GBF1: variants seen among roughly 807,000 people sequenced by gnomAD.
GBF1 encodes Golgi-specific brefeldin A-resistance guanine nucleotide exchange factor 1.
In GBF1, 114 loss-of-function variants were observed where a neutral mutation model predicts 210.5. That is an observed-to-expected ratio of 0.54 (90% confidence interval 0.47 to 0.63). The LOEUF is 0.63. Ranked by LOEUF, GBF1 falls within the 30% of genes least tolerant of loss-of-function variation. The pLI, the probability that GBF1 is intolerant of heterozygous loss-of-function variation, is 0.00. For synonymous variants in GBF1, 850 were observed against 889.2 expected (o/e 0.96, Z 0.78); for missense variants, 1,851 against 2,357.7 (o/e 0.79, Z 4.45).
chr10:102,323,287 T>C (rs1047654343), intron 3 of GBF1, among the ~76,000 whole-genome samples: 7 of 151,202 alleles, frequency 4.6e-5, no homozygotes, highest in Non-Finnish European at 7.4e-5. Context: ...TCAAAGCCTT[T>C]TTAGTGCCTG....
In GBF1 at chr10:102,377,133, G is replaced by C; in HGVS notation, c.4487G>C (p.Ser1496Thr). Residue 1496 changes from serine to threonine, a missense_variant, in exon 33 of 40, where the codon AGT becomes ACT. Around this residue, in one of 3 missense-constraint regions of GBF1, gnomAD observed 967 missense variants for 1,247.7 expected, o/e 0.78. Coordinates refer to ENST00000369983, the MANE Select transcript of GBF1 (RefSeq NM_001377137.1). ...TACCATACGGTGTCTTTACAGGTCA[G>C]TCAGGACGTAAGTATGGCACCCTTT... is the stretch of plus-strand genomic sequence containing the variant. ...ASYHTVSLQV[S>T]QDLLDLMHTL... The C allele has an allele frequency of 6.2e-7, 1 of 1,613,088 alleles. No homozygotes were observed.
chr10:102,247,979 A>G (rs1798079328), intron 1 of GBF1, among the ~76,000 whole-genome samples: 1 of 152,170 alleles, frequency 6.6e-6, no homozygotes, highest in South Asian at 2.1e-4. Context: ...TAATAACCTC[A>G]TTGATAGGGT....
chr10:102,230,786 C>G, the GBF1 span: 3 of 1,545,336 alleles, frequency 1.9e-6, no homozygotes, highest in South Asian at 3.6e-5. Flanking sequence ...TGCAGGGCCC[C>G]AGGCCCTGGC....
rs957376120 is a variant in GBF1 at position 102,289,801 on chromosome 10, C to G, written c.163+29685C>G. 7.2e-5 allele frequency among the ~76,000 whole-genome samples: 11 copies of G among 152,210 alleles called. 1 individual carries two copies. The highest frequency in any genetic ancestry group is 3.4e-3 in the Middle Eastern group (1 of 294). On this transcript the variant is annotated intron_variant, in intron 3 of 39. Coordinates refer to ENST00000369983, the MANE Select transcript of GBF1 (RefSeq NM_001377137.1). ...AAAGCAGGCAAACAAGAACAAAAACCTTTGTGCCATAAAATCACTATTTAG... is the reference window on the plus strand; with the variant it reads ...AAAGCAGGCAAACAAGAACAAAAACGTTTGTGCCATAAAATCACTATTTAG...
rs2060509005 is a variant in GBF1 at position 102,376,593 on chromosome 10, G to C, written c.4081G>C (p.Gly1361Arg). The change falls in exon 32 of 40, where the codon GGG (glycine) becomes CGG (arginine). Residue 1361 changes from glycine to arginine, a missense_variant. By Grantham distance (125) the Gly-to-Arg change is moderately radical. Around this residue, in one of 3 missense-constraint regions of GBF1, gnomAD observed 967 missense variants for 1,247.7 expected, o/e 0.78. Coordinates refer to ENST00000369983, the MANE Select transcript of GBF1 (RefSeq NM_001377137.1). ...GGATGACGTTGATAACTCCAAGCCA[G>C]GGCCCAGCCGCCCAGGCCCTTCACC... is the stretch of plus-strand genomic sequence containing the variant. ...GKDDVDNSKPGPSRPGPSPLI... is the reference protein window; with the variant it reads ...GKDDVDNSKPRPSRPGPSPLI... 6.2e-7 allele frequency: 1 copy of C among 1,614,006 alleles called. No homozygotes were observed. The highest frequency in any genetic ancestry group is 1.3e-5 in the African/African-American group (1 of 75,024).
intron 3 of GBF1, among the ~76,000 whole-genome samples, chr10:102,304,416 GTAAAA>G (rs2077659031): frequency 6.6e-6 from 1 of 152,120 alleles, no homozygotes; most frequent in South Asian, 2.1e-4. Context: ...TTTTGGAGTG[GTAAAA>G]TAAAATACTT....
rs1285644118 is a variant in GBF1, at chr10:102,376,782, G to A, written c.4270G>A (p.Glu1424Lys). The change falls in exon 32 of 40, where the codon GAG (glutamate) becomes AAG (lysine). Residue 1424 changes from glutamate to lysine, a missense_variant. By Grantham distance (56) the Glu-to-Lys change is moderately conservative. Transcript: ENST00000369983. Reference protein sequence around the residue: ...LCVKTLRIFVEASLNGGCKSQ... With the variant: ...LCVKTLRIFVKASLNGGCKSQ... ...CGTCAAGACTCTCCGGATCTTTGTGGAGGCCAGTCTGAATGGCGGTGGGTC... is the reference window on the plus strand; with the variant it reads ...CGTCAAGACTCTCCGGATCTTTGTGAAGGCCAGTCTGAATGGCGGTGGGTC... 12 of 1,609,070 alleles carry A rather than the reference G, an allele frequency of 7.5e-6. No homozygotes were observed. The highest frequency in any genetic ancestry group is 1.1e-5 in the South Asian group (1 of 91,074).
intron 38 of GBF1, among the ~76,000 whole-genome samples, 188 bp downstream of exon 38, chr10:102,380,874 G>C (rs1487095318): frequency 6.6e-6 from 1 of 152,088 alleles, no homozygotes; most frequent in African/African-American, 2.4e-5. Flanking sequence ...CAGGTGTGGC[G>C]GTGGGTGCCT....
At chr10:102,368,608 T>A in intron 22 of GBF1, 131 bp from the exon 23 acceptor site, 1 of 825,728 alleles carries the variant, frequency 1.2e-6, no homozygotes. Flanking sequence ...GGCTCAGTCT[T>A]AAACAGAAAC....
At chr10:102,291,890 CTT>C (rs1223283560) in intron 3 of GBF1, among the ~76,000 whole-genome samples, 23 of 127,664 alleles carry the variant, frequency 1.8e-4, no homozygotes, top group Non-Finnish European at 1.3e-4. Context: ...TAGAACTTTT[CTT>C]TTTTTTTTTT....
At chr10:102,375,626 GT>G in intron 30 of GBF1, 42 bp downstream of exon 30, 1 of 1,281,224 alleles carries the variant, frequency 7.8e-7, no homozygotes, top group Non-Finnish European at 1.1e-6. Flanking sequence ...CAGATAAACA[GT>G]TACACCCCAG....
chr10:102,370,127 C>T (rs1317325532), intron 26 of GBF1, 47 bp from the exon 27 acceptor site: 6 of 1,526,398 alleles, frequency 3.9e-6, no homozygotes, highest in Non-Finnish European at 5.5e-6. Flanking sequence ...ACATTCTGTT[C>T]TCTTCAGCCT....
chr10:102,365,517 G>A lies in GBF1; in HGVS notation c.2227G>A (p.Glu743Lys). The A allele has an allele frequency of 1.2e-6, 2 of 1,614,232 alleles. No homozygotes were observed. Among genetic ancestry groups the A allele is most frequent in the Non-Finnish European group, 1.7e-6 (2 of 1,180,036 alleles). The change falls in exon 18 of 40, where the codon GAG becomes AAG. Residue 743 changes from glutamate to lysine, a missense_variant. By Grantham distance (56) the Glu-to-Lys change is moderately conservative (BLOSUM62 1). Around this residue, in one of 3 missense-constraint regions of GBF1, gnomAD observed 804 missense variants for 958.6 expected, o/e 0.84. Transcript: ENST00000369983. ...DNTEVAQWLR[E>K]NPRLDKKMIG... ...CACAGAGGTTGCTCAGTGGCTCCGA[G>A]AGAACCCTCGGCTGGACAAGAAGAT... is the stretch of plus-strand genomic sequence containing the variant.
rs757671259 is a variant in GBF1 at position 102,380,381 on chromosome 10, C to G, written c.4992+19C>G. ...CTTACTGGTATGTTCTACCTCAGCT[C>G]TGCTGCCTGCCTCCTGTCCCACCTG... On this transcript the variant is annotated intron_variant, in intron 37 of 39. Transcript: ENST00000369983. 6 of 1,591,976 alleles carry G rather than the reference C, an allele frequency of 3.8e-6. No homozygotes were observed. Among genetic ancestry groups the G allele is most frequent in the Non-Finnish European group, 5.2e-6 (6 of 1,159,792 alleles).
intron 3 of GBF1, among the ~76,000 whole-genome samples, chr10:102,319,264 G>A (rs1353946258): frequency 1.3e-5 from 2 of 152,144 alleles, no homozygotes; most frequent in Non-Finnish European, 2.9e-5. Context: ...AGCTTGCAGT[G>A]AGCCGAGATC....
chr10:102,251,154 A>G (rs917514580), intron 1 of GBF1, among the ~76,000 whole-genome samples: 2 of 152,232 alleles, frequency 1.3e-5, no homozygotes, highest in Admixed American at 6.5e-5. Context: ...ACTTAAGGAG[A>G]TGTCAGGAAG....
At position 102,368,231 on chromosome 10, in the gene GBF1, G is replaced by A; in HGVS notation, c.2656G>A (p.Val886Ile). The A allele has an allele frequency of 6.2e-7, 1 of 1,612,032 alleles. No homozygotes were observed. The highest frequency in any genetic ancestry group is 8.5e-7 in the Non-Finnish European group (1 of 1,178,206). ...ACCTCCTGACAGGAATGAGGAAATT[G>A]TAATGCCTGAGGAGCAGACAGGCTT... is the stretch of plus-strand genomic sequence containing the variant. ...MYHAIKNEEI[V>I]MPEEQTGLVR... The change falls in exon 22 of 40, where the codon GTA (valine) becomes ATA (isoleucine). Residue 886 changes from valine to isoleucine, a missense_variant. This residue lies in a region of GBF1 where 80 missense variants were observed against 151.4 expected (regional missense o/e 0.53). Transcript: ENST00000369983.
chr10:102,382,753 T>G lies in GBF1; in HGVS notation c.*417T>G. The G allele has an allele frequency of 5.8e-6, 1 of 172,400 alleles. No individual in the cohort carries two copies. The highest frequency in any genetic ancestry group is 1.7e-4 in the East Asian group (1 of 5,940). 10.7% of individuals were successfully genotyped at this position (172,400 alleles called of 1,614,324 possible). A position where few individuals can be genotyped will look rare whatever the true frequency, so the allele number is the denominator to read the frequency against. On this transcript the variant is annotated 3_prime_UTR_variant, in exon 40 of 40. Coordinates refer to ENST00000369983, the MANE Select transcript of GBF1 (RefSeq NM_001377137.1). ...CAGTTCTTCCTCTTTTACTAATTAG[T>G]TGGTCAGTTTGGAGAGTTGACTGGC...
intron 32 of GBF1, 39 bp downstream of exon 32, chr10:102,376,839 T>C: frequency 6.2e-7 from 1 of 1,609,906 alleles, no homozygotes; most frequent in Non-Finnish European, 8.5e-7. Context: ...GGAGTAGCCA[T>C]GCAATTATGC....
Sources: allele counts gnomAD v4.1 joint callset (sites outside exome capture counted in the v4.1 genomes callset), GRCh38; gene constraint gnomAD v4.1.1; regional missense constraint gnomAD v4.1.1; transcripts MANE v1.5; gene names NCBI Gene and HGNC (gene_info 2026-07-23, HGNC 2026-07-21).